The following CLSTN2 variants were observed in gnomAD, a reference collection of about 807,000 sequenced individuals.
The protein encoded by CLSTN2 is calsyntenin-2.
In CLSTN2, 48 loss-of-function variants were observed where a neutral mutation model predicts 101.2. The ratio of observed to expected loss-of-function variants is 0.47; its 90% CI spans 0.38 to 0.60. The LOEUF is 0.60. Ranked by LOEUF, CLSTN2 falls within the 20% of genes least tolerant of loss-of-function variation. The pLI is 0.00. For missense variants in CLSTN2, 1,160 were observed against 1,238.2 expected, an observed-to-expected ratio of 0.94 and a Z score of 0.95; for synonymous variants, 481 against 463.6, an observed-to-expected ratio of 1.04 and a Z score of -0.48.
intron 2 of CLSTN2, among the ~76,000 whole-genome samples, chr3:140,389,298 C>G (rs533753643): frequency 6.6e-6 from 1 of 152,214 alleles, no homozygotes; most frequent in African/African-American, 2.4e-5. Flanking sequence ...TCCTCCCACA[C>G]CCCTGACAGG....
At chr3:140,251,527 T>C (rs753725635) in intron 2 of CLSTN2, among the ~76,000 whole-genome samples, 1 of 151,820 alleles carries the variant, frequency 6.6e-6, no homozygotes, top group African/African-American at 2.4e-5. Context: ...TGATACCTGA[T>C]TGTTTGATGG....
chr3:140,163,339 C>T (rs1385552658), intron 1 of CLSTN2, among the ~76,000 whole-genome samples: 4 of 151,896 alleles, frequency 2.6e-5, no homozygotes, highest in Non-Finnish European at 5.9e-5. Flanking sequence ...GGTTTTCAGC[C>T]TGCAGGCCTG....
chr3:140,303,729 T>C (rs879606755), intron 2 of CLSTN2, among the ~76,000 whole-genome samples: 3 of 152,034 alleles, frequency 2.0e-5, no homozygotes, highest in Non-Finnish European at 4.4e-5. Context: ...TATTGTGACC[T>C]GGCTCCAGTA....
At chr3:140,030,457 G>T (rs1315319804) in intron 1 of CLSTN2, among the ~76,000 whole-genome samples, 4 of 152,090 alleles carry the variant, frequency 2.6e-5, no homozygotes, top group Admixed American at 6.5e-5. Flanking sequence ...AGGGGTGGGG[G>T]TGGTTCATTC....
chr3:140,194,812 A>G (rs2010621675), intron 2 of CLSTN2, among the ~76,000 whole-genome samples: 1 of 152,194 alleles, frequency 6.6e-6, no homozygotes, highest in Admixed American at 6.5e-5. Flanking sequence ...GGTATCCAGT[A>G]ATACTGCAGT....
chr3:140,470,918 G>A (rs538803033), intron 8 of CLSTN2, among the ~76,000 whole-genome samples: 145 of 152,278 alleles, frequency 9.5e-4, no homozygotes, highest in Admixed American at 2.2e-3. Context: ...CCCTTCAGGA[G>A]TGCTGCTGAG....
intron 1 of CLSTN2, among the ~76,000 whole-genome samples, chr3:139,969,704 C>A (rs2107818360): frequency 6.6e-6 from 1 of 152,306 alleles, no homozygotes; most frequent in Middle Eastern, 3.4e-3. Flanking sequence ...ATGTTGTGTG[C>A]TCCACCTATA....
chr3:140,293,673 G>A (rs2086975328), intron 2 of CLSTN2, among the ~76,000 whole-genome samples: 1 of 152,136 alleles, frequency 6.6e-6, no homozygotes. Flanking sequence ...TATCCTGAGA[G>A]ATGAAGAAGA....
At chr3:140,313,007 A>C (rs2087186701) in intron 2 of CLSTN2, among the ~76,000 whole-genome samples, 1 of 152,230 alleles carries the variant, frequency 6.6e-6, no homozygotes, top group Admixed American at 6.5e-5. Flanking sequence ...TTAAAGAAGC[A>C]ATGCAAGGAT....
At chr3:139,936,273 G>A (rs1935018013) in intron 1 of CLSTN2, among the ~76,000 whole-genome samples, 1 of 152,162 alleles carries the variant, frequency 6.6e-6, no homozygotes, top group South Asian at 2.1e-4. Context: ...TGGGAGCGTC[G>A]GGAGCTCTGG....
At chr3:140,416,250 T>G (rs1397726979) in intron 4 of CLSTN2, among the ~76,000 whole-genome samples, 1 of 152,092 alleles carries the variant, frequency 6.6e-6, no homozygotes, top group Non-Finnish European at 1.5e-5. Context: ...CATATAAACT[T>G]TAGTTATTAA....
intron 2 of CLSTN2, among the ~76,000 whole-genome samples, chr3:140,392,461 T>G (rs1424061276): frequency 6.6e-6 from 1 of 152,136 alleles, no homozygotes; most frequent in Non-Finnish European, 1.5e-5. Flanking sequence ...TAATTTATAG[T>G]TGAAAAATTG....
At chr3:140,165,610 A>G (rs1459807948) in intron 1 of CLSTN2, among the ~76,000 whole-genome samples, 1 of 152,036 alleles carries the variant, frequency 6.6e-6, no homozygotes, top group Non-Finnish European at 1.5e-5. Flanking sequence ...ACAGGGGTAG[A>G]CAGCACAATT....
intron 2 of CLSTN2, among the ~76,000 whole-genome samples, chr3:140,259,636 C>A (rs996343129): frequency 6.6e-6 from 1 of 152,144 alleles, no homozygotes; most frequent in Non-Finnish European, 1.5e-5. Context: ...TTCCCTCCCA[C>A]CTTTTCAAAC....
chr3:140,118,810 C>T (rs569588409), intron 1 of CLSTN2, among the ~76,000 whole-genome samples: 30 of 152,218 alleles, frequency 2.0e-4, no homozygotes, highest in African/African-American at 6.0e-4. Context: ...GGCAGAAATG[C>T]GTGTTATGTC....
At chr3:139,961,036 G>T (rs1057234004) in intron 1 of CLSTN2, among the ~76,000 whole-genome samples, 1 of 151,978 alleles carries the variant, frequency 6.6e-6, no homozygotes, top group Non-Finnish European at 1.5e-5. Context: ...CCAAATACCC[G>T]CCTTGGGCAC....
intron 8 of CLSTN2, among the ~76,000 whole-genome samples, chr3:140,469,507 A>G (rs1933785178): frequency 6.6e-6 from 1 of 152,188 alleles, no homozygotes. Context: ...CAGAATGTGC[A>G]TACCTAGTAA....
chr3:139,985,384 C>G (rs565339909), intron 1 of CLSTN2, among the ~76,000 whole-genome samples: 136 of 152,164 alleles, frequency 8.9e-4, no homozygotes, highest in Non-Finnish European at 1.4e-3. Flanking sequence ...ATTTGGAGAG[C>G]TTTTTGAGCT....
At chr3:140,273,459 G>A (rs188960376) in intron 2 of CLSTN2, among the ~76,000 whole-genome samples, 54 of 152,304 alleles carry the variant, frequency 3.5e-4, no homozygotes, top group Non-Finnish European at 5.7e-4. Flanking sequence ...TGTTAGAGCT[G>A]AAGAAATGAA....
Sources: gnomAD v4.1 joint callset for allele counts (sites outside exome capture counted in the v4.1 genomes callset) on GRCh38, gnomAD v4.1.1 for gene constraint, MANE v1.5 for transcripts, NCBI Gene and HGNC (gene_info 2026-07-23, HGNC 2026-07-21) for gene names.